TRPM3: variants seen among roughly 807,000 people sequenced by gnomAD.
TRPM3 encodes long transient receptor potential channel 3.
A neutral mutation model predicts 181.2 loss-of-function variants in TRPM3; 77 were observed. That is an observed-to-expected ratio of 0.42 (90% CI 0.35 to 0.51). TRPM3 has a LOEUF of 0.51. Among genes scored for constraint, TRPM3 ranks in the 20% least tolerant of loss-of-function variants. TRPM3 has a pLI of 0.01. For synonymous variants in TRPM3, 745 were observed against 796.4 expected (o/e 0.94, Z 1.09); for missense variants, 1,759 against 2,196.7 (o/e 0.80, Z 3.98).
intron 1 of TRPM3, among the ~76,000 whole-genome samples, chr9:71,153,850 T>C (rs2075856452): frequency 6.6e-6 from 1 of 152,144 alleles, no homozygotes; most frequent in Non-Finnish European, 1.5e-5. Flanking sequence ...ACCCAACAAG[T>C]ACAGTGAGCA....
chr9:71,418,045 AT>A lies in TRPM3; in HGVS notation c.183+28607del, dbSNP rs35175360. ...ATAAATATTTGAGAAATTGAAAATCATTTTTTTAAAGGATGAGTGAATTGTT... is the reference window on the plus strand; with the variant it reads ...ATAAATATTTGAGAAATTGAAAATCATTTTTTAAAGGATGAGTGAATTGTT... On this transcript the variant is annotated intron_variant, in intron 1 of 24. Transcript: ENST00000357533. Among the ~76,000 whole-genome samples, 63 of 151,670 alleles carry A rather than the reference AT, an allele frequency of 4.2e-4. No homozygotes were observed. In the East Asian group the frequency reaches 7.0e-3, roughly 17 times the overall value.
chr9:70,902,021 C>G (rs1175107293), intron 1 of TRPM3, among the ~76,000 whole-genome samples: 1 of 152,194 alleles, frequency 6.6e-6, no homozygotes, highest in Admixed American at 6.5e-5. Flanking sequence ...GCTTTATGCA[C>G]TGATGTTCTT....
chr9:71,116,155 C>T (rs1587391405), intron 1 of TRPM3, among the ~76,000 whole-genome samples: 1 of 152,182 alleles, frequency 6.6e-6, no homozygotes, highest in East Asian at 1.9e-4. Flanking sequence ...GGAATTAGTC[C>T]ATTACAAATA....
At chr9:70,772,126 T>C (rs12685885) in intron 7 of TRPM3, among the ~76,000 whole-genome samples, 23,100 of 152,162 alleles carry the variant, frequency 0.15, 2,338 homozygotes, top group East Asian at 0.39. Flanking sequence ...CTCAGTTTGG[T>C]GGAAACCAAC....
chr9:71,193,446 A>T (rs1370854932), intron 1 of TRPM3, among the ~76,000 whole-genome samples: 1 of 151,784 alleles, frequency 6.6e-6, no homozygotes, highest in Non-Finnish European at 1.5e-5. Flanking sequence ...AATGAATTCA[A>T]ATCCCCAAAT....
At chr9:70,659,880 C>T (rs1458039886) in intron 9 of TRPM3, among the ~76,000 whole-genome samples, 2 of 152,198 alleles carry the variant, frequency 1.3e-5, no homozygotes, top group African/African-American at 4.8e-5. Context: ...TATTTACATA[C>T]ATAAGCCACT....
rs1443432756 is a variant in TRPM3, at chr9:70,848,869, C to G, written c.463-2278G>C. ...GCGGGCGCCTGTAGTCCCAGCTACT[C>G]GGGAGGCTGAGGCAGGAGAATGGCT... On this transcript the variant is annotated intron_variant, in intron 3 of 25. Coordinates refer to ENST00000677713, the MANE Select transcript of TRPM3 (RefSeq NM_001366145.2). Among the ~76,000 whole-genome samples, 3 of 77,450 alleles carry G rather than the reference C, an allele frequency of 3.9e-5. 1 individual carries two copies. The highest frequency in any genetic ancestry group is 1.0e-4 in the African/African-American group (2 of 19,586). 50.8% of individuals were successfully genotyped at this position (77,450 alleles called of 152,430 possible). A position where few individuals can be genotyped will look rare whatever the true frequency, so the allele number is the denominator to read the frequency against.
chr9:71,380,740 T>C (rs2092780425), intron 1 of TRPM3, among the ~76,000 whole-genome samples: 1 of 152,140 alleles, frequency 6.6e-6, no homozygotes, highest in African/African-American at 2.4e-5. Flanking sequence ...TCTAAATCTT[T>C]CACTTGCTGC....
intron 1 of TRPM3, among the ~76,000 whole-genome samples, chr9:70,879,877 C>A (rs2095952024): frequency 6.6e-6 from 1 of 152,110 alleles, no homozygotes; most frequent in African/African-American, 2.4e-5. Flanking sequence ...ATCACATGTG[C>A]AATTCATGCT....
intron 1 of TRPM3, among the ~76,000 whole-genome samples, chr9:71,162,758 A>C (rs2076342220): frequency 6.6e-6 from 1 of 152,218 alleles, no homozygotes; most frequent in South Asian, 2.1e-4. Flanking sequence ...TGGAGAGATA[A>C]AGTGAATAGA....
rs571994537 is a variant in TRPM3, at chr9:71,062,447, A to G, written c.177+58731T>C. On this transcript the variant is annotated intron_variant, in intron 1 of 25. Transcript: ENST00000677713. ...TTTATATTCTGCTCATTGCAAGAAC[A>G]TCAATACAAACACAGCATAAAACCA... 3.3e-5 allele frequency among the ~76,000 whole-genome samples: 5 copies of G among 152,260 alleles called. No homozygotes were observed. The East Asian group carries it at 9.7e-4, about 29-fold the overall frequency.
At chr9:70,597,631 T>G (rs934258974) in intron 21 of TRPM3, among the ~76,000 whole-genome samples, 7 of 152,156 alleles carry the variant, frequency 4.6e-5, no homozygotes, top group African/African-American at 1.7e-4. Flanking sequence ...GTCTGGAAAC[T>G]GGTGTGTGGT....
At chr9:71,213,372 C>T (rs7018911) in intron 1 of TRPM3, among the ~76,000 whole-genome samples, 106,113 of 152,020 alleles carry the variant, frequency 0.7, 38,674 homozygotes, top group East Asian at 0.92. Context: ...ATTTTGCCTA[C>T]GGGCCTTAGT....
chr9:70,883,698 A>C (rs1382878086), intron 1 of TRPM3, among the ~76,000 whole-genome samples: 3 of 152,210 alleles, frequency 2.0e-5, no homozygotes, highest in Admixed American at 2.0e-4. Flanking sequence ...TTATTTCTTC[A>C]CAATTCACAG....
intron 20 of TRPM3, among the ~76,000 whole-genome samples, chr9:70,599,780 T>C (rs945426083): frequency 6.6e-6 from 1 of 152,178 alleles, no homozygotes; most frequent in Non-Finnish European, 1.5e-5. Flanking sequence ...ACCCTATTTA[T>C]TTTTTTGAAG....
chr9:71,084,120 T>A (rs1011848972), intron 1 of TRPM3, among the ~76,000 whole-genome samples: 16 of 151,964 alleles, frequency 1.1e-4, no homozygotes, highest in African/African-American at 3.9e-4. Context: ...ACCTACAATG[T>A]GCTAATGTTG....
chr9:71,130,889 T>C (rs1056211762), intron 1 of TRPM3, among the ~76,000 whole-genome samples: 39 of 152,228 alleles, frequency 2.6e-4, no homozygotes, highest in Non-Finnish European at 1.9e-4. Context: ...TAGGTAGATA[T>C]AGCTGTAATG....
chr9:70,864,169 C>A (rs1293944265), intron 2 of TRPM3, among the ~76,000 whole-genome samples: 2 of 151,954 alleles, frequency 1.3e-5, no homozygotes, highest in African/African-American at 2.4e-5. Flanking sequence ...TAACAAAAAA[C>A]ATAATCCACT....
intron 1 of TRPM3, among the ~76,000 whole-genome samples, chr9:71,407,637 C>A (rs1414214356): frequency 6.6e-6 from 1 of 152,214 alleles, no homozygotes; most frequent in Non-Finnish European, 1.5e-5. Flanking sequence ...GTAGACTCCA[C>A]CTCTGGGGGC....
Sources: allele counts gnomAD v4.1 joint callset (sites outside exome capture counted in the v4.1 genomes callset), GRCh38; gene constraint gnomAD v4.1.1; transcripts MANE v1.5; gene names NCBI Gene and HGNC (gene_info 2026-07-23, HGNC 2026-07-21).